UGT1A4: variants seen among roughly 807,000 people sequenced by gnomAD.
UGT1A4 encodes the protein UDP-glucuronosyltransferase 1A4.
Under a neutral mutation model 41.1 loss-of-function variants are expected in UGT1A4, and 32 were observed. The observed-to-expected ratio is 0.78, with a 90% CI of 0.59 to 1.05. The LOEUF (loss-of-function observed/expected upper bound fraction) is 1.05, where lower values mean the gene tolerates loss of function less well. UGT1A4 is among the 50% of genes least tolerant of loss of function. The pLI is 0.00. For missense variants in UGT1A4, 748 were observed against 677.4 expected, an observed-to-expected ratio of 1.10 and a Z score of -1.16; for synonymous variants, 283 against 265.1, an observed-to-expected ratio of 1.07 and a Z score of -0.66.
rs1700558646 is a variant in UGT1A4, at chr2:233,772,951, T to C, written c.*392T>C. The stretch of plus-strand genomic sequence containing the variant: ...AATCTTATCTTTTGGCTTCTGCAGA[T>C]GGTTGCAATTGATCCTTAACCAATA... On this transcript the variant is annotated 3_prime_UTR_variant, in exon 5 of 5. Transcript: ENST00000373409. 1 of 322,076 alleles carries C rather than the reference T, an allele frequency of 3.1e-6. No homozygotes were observed. Among genetic ancestry groups the C allele is most frequent in the South Asian group, 3.1e-5 (1 of 32,036 alleles). The allele number at this position is 322,076 out of a possible 1,614,324, so 20.0% of individuals were successfully genotyped here. A position where few individuals can be genotyped will look rare whatever the true frequency, so the allele number is the denominator to read the frequency against.
intron 1 of UGT1A4, chr2:233,743,584 G>A: frequency 7.3e-7 from 1 of 1,367,326 alleles, no homozygotes; most frequent in Non-Finnish European, 9.8e-7. Flanking sequence ...AGAGGTCAAA[G>A]GAGAATGGGT....
In UGT1A4 at chr2:233,740,213, C is replaced by G. The variant is rs984335401; in HGVS notation, c.867+20526C>G. On this transcript the variant is annotated intron_variant, in intron 1 of 4. Coordinates refer to ENST00000373409, the MANE Select transcript of UGT1A4 (RefSeq NM_007120.3). Reference sequence around the variant, plus strand: ...CTTTCTTTTATAAATTACCCAGTCTCAGCTGCGTCTTTATAGCAGGCTGAG... The same window carrying G: ...CTTTCTTTTATAAATTACCCAGTCTGAGCTGCGTCTTTATAGCAGGCTGAG... Among the ~76,000 whole-genome samples the G allele has an allele frequency of 9.6e-4, 146 of 151,922 alleles. 3 individuals are homozygous for G. Among genetic ancestry groups the G allele is most frequent in the African/African-American group, 3.4e-3 (142 of 41,200 alleles).
chr2:233,743,932 C>T (rs927230635), intron 1 of UGT1A4: 9 of 1,358,952 alleles, frequency 6.6e-6, no homozygotes, highest in African/African-American at 5.9e-5. Flanking sequence ...ATGGCCAGAA[C>T]GGCCCACCAG....
chr2:233,765,693 A>AAAT (rs1266056248), intron 1 of UGT1A4, among the ~76,000 whole-genome samples: 1 of 147,310 alleles, frequency 6.8e-6, no homozygotes, highest in African/African-American at 2.6e-5. Context: ...AACTTCAAGT[A>AAAT]AATAATAATA....
At chr2:233,762,823 A>T (rs1219998858) in intron 1 of UGT1A4, among the ~76,000 whole-genome samples, 1 of 151,946 alleles carries the variant, frequency 6.6e-6, no homozygotes, top group East Asian at 1.9e-4. Context: ...ATTGATTTTC[A>T]TAATAAAAAA....
intron 1 of UGT1A4, chr2:233,754,743 C>A (rs1442095371): frequency 4.1e-6 from 3 of 727,770 alleles, no homozygotes; most frequent in Middle Eastern, 2.7e-4. Flanking sequence ...GTAGGACATG[C>A]AGAAGGAAGA....
chr2:233,752,746 A>AAAAC lies in UGT1A4; in HGVS notation c.868-14265_868-14262dup, dbSNP rs200752387. Among the ~76,000 whole-genome samples the AAAAC allele has an allele frequency of 7.8e-3, 1,184 of 152,306 alleles. 57 individuals carry two copies. In the East Asian group the frequency reaches 0.13, roughly 17 times the overall value. On this transcript the variant is annotated intron_variant, in intron 1 of 4. Transcript: ENST00000373409. ...AGCTACAGAGAGAGACCCTGTCTCTAAAACAAACAAACAAACAAACAAACA... is the reference window on the plus strand; with the variant it reads ...AGCTACAGAGAGAGACCCTGTCTCTAAAACAAACAAACAAACAAACAAACAAACA...
At chr2:233,762,623 C>A (rs1698115974) in intron 1 of UGT1A4, among the ~76,000 whole-genome samples, 1 of 152,126 alleles carries the variant, frequency 6.6e-6, no homozygotes, top group Non-Finnish European at 1.5e-5. Flanking sequence ...GTTGTGACCT[C>A]AAACACTTCC....
At chr2:233,767,618 CA>C (rs1300150978) in intron 2 of UGT1A4, among the ~76,000 whole-genome samples, 2 of 152,178 alleles carry the variant, frequency 1.3e-5, no homozygotes, top group Non-Finnish European at 2.9e-5. Flanking sequence ...CCTAAGTGCA[CA>C]GCTTGATAAA....
intron 1 of UGT1A4, chr2:233,740,656 G>A (rs17862875): frequency 0.3 from 44,719 of 151,578 alleles, 6,954 homozygotes; most frequent in South Asian, 0.39. Flanking sequence ...TGTACTTGGT[G>A]AGAAGGTACA....
chr2:233,724,270 G>A (rs1404305230), intron 1 of UGT1A4, among the ~76,000 whole-genome samples: 18 of 134,540 alleles, frequency 1.3e-4, no homozygotes, highest in African/African-American at 3.1e-4. Flanking sequence ...CGGACGGGGC[G>A]GCTGGCCGGG....
chr2:233,760,886 AT>A (rs763109127), intron 1 of UGT1A4: 1 of 1,613,934 alleles, frequency 6.2e-7, no homozygotes, highest in East Asian at 2.2e-5. Context: ...CTCTCCTCTC[AT>A]TCAGATCACA....
chr2:233,745,071 G>A (rs981811501), intron 1 of UGT1A4, among the ~76,000 whole-genome samples: 3 of 151,782 alleles, frequency 2.0e-5, no homozygotes, highest in Admixed American at 1.3e-4. Flanking sequence ...TATTTGTATT[G>A]TTTTTTCATT....
intron 1 of UGT1A4, among the ~76,000 whole-genome samples, chr2:233,744,770 A>G (rs1692917910): frequency 6.6e-6 from 1 of 151,946 alleles, no homozygotes. Context: ...TTAACTTTGC[A>G]AAATTCTCCT....
At chr2:233,747,148 TGAA>T in intron 1 of UGT1A4, 1 of 1,570,870 alleles carries the variant, frequency 6.4e-7, no homozygotes, top group South Asian at 1.2e-5. Context: ...GTAATTAAGA[TGAA>T]GAAAACAAAT....
intron 1 of UGT1A4, among the ~76,000 whole-genome samples, chr2:233,727,772 CAGTAGACG>C (rs1364688082): frequency 6.6e-6 from 1 of 152,208 alleles, no homozygotes; most frequent in Non-Finnish European, 1.5e-5. Context: ...GGGTGTCCCC[CAGTAGACG>C]CTTCCATTCA....
chr2:233,729,599 C>G (rs61764030), intron 1 of UGT1A4: 161 of 1,613,870 alleles, frequency 1.0e-4, no homozygotes, highest in Admixed American at 2.2e-4. Flanking sequence ...AACCTCTGCG[C>G]GGCAGTGCTG....
At chr2:233,768,912 T>C (rs923481624) in intron 4 of UGT1A4, among the ~76,000 whole-genome samples, 1 of 152,140 alleles carries the variant, frequency 6.6e-6, no homozygotes, top group African/African-American at 2.4e-5. Context: ...AATTTAGAGG[T>C]TATTATTCAC....
intron 1 of UGT1A4, among the ~76,000 whole-genome samples, chr2:233,763,956 G>A (rs1159458395): frequency 1.3e-5 from 2 of 152,194 alleles, no homozygotes; most frequent in Admixed American, 1.3e-4. Context: ...GAGCAGGGAA[G>A]GTTGAGATAT....
Sources: allele counts gnomAD v4.1 joint callset (sites outside exome capture counted in the v4.1 genomes callset), GRCh38; gene constraint gnomAD v4.1.1; transcripts MANE v1.5; gene names NCBI Gene and HGNC (gene_info 2026-07-23, HGNC 2026-07-21).